Variants in SLC28A2 observed in about 807,000 individuals in gnomAD.
The protein encoded by SLC28A2 is solute carrier family 28 member 2, also known as sodium/nucleoside cotransporter 2.
Under a neutral mutation model 72.9 loss-of-function variants are expected in SLC28A2, and 69 were observed. That is an observed-to-expected ratio of 0.95 (90% confidence interval 0.78 to 1.16). The LOEUF is 1.16. Ranked by LOEUF, SLC28A2 falls within the 50% of genes most tolerant of loss-of-function variation. SLC28A2 has a pLI of 0.00. For synonymous variants in SLC28A2, 296 were observed against 294.1 expected, an observed-to-expected ratio of 1.01 and a Z score of -0.07; for missense variants, 745 against 791.1, an observed-to-expected ratio of 0.94 and a Z score of 0.70.
At chr15:45,261,795 T>G (rs1900171468) in intron 3 of SLC28A2, among the ~76,000 whole-genome samples, 1 of 152,224 alleles carries the variant, frequency 6.6e-6, no homozygotes, top group Non-Finnish European at 1.5e-5. Context: ...TATTGCTAGT[T>G]CGGGCTGAGT....
intron 3 of SLC28A2, among the ~76,000 whole-genome samples, chr15:45,258,028 A>C (rs1900025802): frequency 6.6e-6 from 1 of 152,202 alleles, no homozygotes. Context: ...GTTTGAGACC[A>C]GCCTGGCCAA....
chr15:45,258,001 A>G (rs1422253625), intron 3 of SLC28A2, among the ~76,000 whole-genome samples: 1 of 152,194 alleles, frequency 6.6e-6, no homozygotes, highest in Non-Finnish European at 1.5e-5. Flanking sequence ...AGGCAGGCAG[A>G]TCACTTGAGG....
At chr15:45,261,705 G>A (rs1231374225) in intron 3 of SLC28A2, among the ~76,000 whole-genome samples, 2 of 152,188 alleles carry the variant, frequency 1.3e-5, no homozygotes, top group African/African-American at 4.8e-5. Context: ...GCAATCCTCT[G>A]TCCTTTCAGA....
Position 45,276,237 on chromosome 15 carries a change from A to G in SLC28A2, c.*724A>G, listed in dbSNP as rs1440080883. 2 of 152,100 alleles carry G rather than the reference A, an allele frequency of 1.3e-5. No individual in the cohort carries two copies. Among genetic ancestry groups the G allele is most frequent in the East Asian group, 1.9e-4 (1 of 5,184 alleles). The allele number at this position is 152,100 out of a possible 1,614,324, so 9.4% of individuals were successfully genotyped here. On this transcript the variant is annotated 3_prime_UTR_variant, in exon 18 of 18. Transcript: ENST00000347644. Reference sequence around the variant, plus strand: ...CAGTAAACTATCGCAAGGACAAAAAACCAAACACCACATGTTCTCACTCAT... The same window carrying G: ...CAGTAAACTATCGCAAGGACAAAAAGCCAAACACCACATGTTCTCACTCAT...
At chr15:45,272,996 G>A (rs1345617047) in intron 17 of SLC28A2, among the ~76,000 whole-genome samples, 3 of 152,152 alleles carry the variant, frequency 2.0e-5, no homozygotes, top group African/African-American at 7.2e-5. Flanking sequence ...GAGAAGTAGA[G>A]CAGCAAAGGA....
chr15:45,253,239 G>A lies in SLC28A2; in HGVS notation c.24G>A (p.Gln8=). Reference sequence around the variant, plus strand: ...AGATGGAGAAAGCAAGTGGAAGACAGTCCATTGCTCTGTCCACAGTGGAGA... The same window carrying A: ...AGATGGAGAAAGCAAGTGGAAGACAATCCATTGCTCTGTCCACAGTGGAGA... MEKASGR[Q]SIALSTVETG... Residue 8 remains glutamine (Q), a synonymous_variant, in exon 2 of 18, where the codon CAG becomes CAA. Transcript: ENST00000347644. 1 of 1,613,508 alleles carries A rather than the reference G, an allele frequency of 6.2e-7. No individual in the cohort carries two copies. The highest frequency in any genetic ancestry group is 2.2e-5 in the East Asian group (1 of 44,882).
At chr15:45,257,159 T>C (rs536797244) in intron 3 of SLC28A2, among the ~76,000 whole-genome samples, 1 of 152,342 alleles carries the variant, frequency 6.6e-6, no homozygotes, top group East Asian at 1.9e-4. Context: ...ATTTTTTGTC[T>C]TTGTGCCCAA....
At chr15:45,270,130 T>C (rs1171223934) in intron 14 of SLC28A2, 65 bp from the exon 15 acceptor site, 31 of 1,084,188 alleles carry the variant, frequency 2.9e-5, no homozygotes, top group Non-Finnish European at 4.1e-5. Context: ...GGAACTTCTA[T>C]TGTGATTATA....
chr15:45,271,032 C>T (rs1808060166), intron 15 of SLC28A2, among the ~76,000 whole-genome samples: 1 of 152,172 alleles, frequency 6.6e-6, no homozygotes, highest in African/African-American at 2.4e-5. Flanking sequence ...ATAAAAGCAG[C>T]AGGCACATAA....
intron 6 of SLC28A2, among the ~76,000 whole-genome samples, chr15:45,264,384 A>G (rs1224612138): frequency 6.6e-6 from 1 of 152,208 alleles, no homozygotes; most frequent in Non-Finnish European, 1.5e-5. Context: ...TTGATTTATA[A>G]AACTTTTATT....
At chr15:45,269,184 C>A (rs925848688) in intron 13 of SLC28A2, among the ~76,000 whole-genome samples, 154 bp from the exon 14 acceptor site, 3 of 151,496 alleles carry the variant, frequency 2.0e-5, no homozygotes, top group African/African-American at 4.8e-5. Flanking sequence ...AAAAAAAAAA[C>A]AACCATGCAT....
At chr15:45,268,495 A>G (rs1900420658) in intron 13 of SLC28A2, 117 bp downstream of exon 13, 4 of 853,216 alleles carry the variant, frequency 4.7e-6, no homozygotes, top group East Asian at 5.2e-5. Context: ...TAGAATGGCA[A>G]TCATTAAAAA....
chr15:45,266,062 G>A lies in SLC28A2; in HGVS notation c.862-19G>A. 1 of 1,560,424 alleles carries A rather than the reference G, an allele frequency of 6.4e-7. No homozygotes were observed. The highest frequency in any genetic ancestry group is 8.8e-7 in the Non-Finnish European group (1 of 1,131,382). ...GATTCCTGCTAACATTAATGGTTTA[G>A]GTTTCTGTATTCTTCTAGGTCGCCT... is the stretch of plus-strand genomic sequence containing the variant. On this transcript the variant is annotated intron_variant, in intron 9 of 17. Transcript: ENST00000347644.
chr15:45,272,248 T>G (rs1337286706), intron 15 of SLC28A2, 47 bp from the exon 16 acceptor site: 1 of 1,515,294 alleles, frequency 6.6e-7, no homozygotes, highest in Non-Finnish European at 9.1e-7. Flanking sequence ...TATACCTGAT[T>G]GCCTTGGTGG....
chr15:45,268,705 GACACAT>G (rs1900427090), intron 13 of SLC28A2, among the ~76,000 whole-genome samples: 1 of 152,082 alleles, frequency 6.6e-6, no homozygotes, highest in Non-Finnish European at 1.5e-5. Context: ...CTGCTATAAA[GACACAT>G]GCACACGTAT....
intron 16 of SLC28A2, 72 bp downstream of exon 16, chr15:45,272,465 AGAATTGTCCTT>A (rs1375078691): frequency 8.0e-7 from 1 of 1,242,536 alleles, no homozygotes; most frequent in African/African-American, 1.5e-5. Flanking sequence ...TGAGGAAGGT[AGAATTGTCCTT>A]GAGTACAGGG....
chr15:45,262,026 G>A lies in SLC28A2; in HGVS notation c.182G>A (p.Trp61Ter), dbSNP rs751095898. Residue 61 changes from tryptophan (W) to a stop codon, truncating the protein, a stop_gained, in exon 4 of 18, where the codon TGG becomes TAG. Coordinates refer to ENST00000347644, the MANE Select transcript of SLC28A2 (RefSeq NM_004212.4). LOFTEE classifies it high-confidence loss of function. ...GPSTYQRRSR[W>*]PFSKARSFCK... ...TGGGTTCTTATTAGGAGGAGTCGGT[G>A]GCCTTTCAGCAAAGCAAGAAGTTTC... 28 of 1,611,670 alleles carry A rather than the reference G, an allele frequency of 1.7e-5. No homozygotes were observed. In the Middle Eastern group the frequency reaches 4.9e-4, roughly 28 times the overall value.
Position 45,263,047 on chromosome 15 carries a change from T to G in SLC28A2, c.263-14T>G, listed in dbSNP as rs757705851. The G allele has an allele frequency of 3.1e-6, 5 of 1,606,354 alleles. No homozygotes were observed. Among genetic ancestry groups the G allele is most frequent in the Admixed American group, 1.7e-5 (1 of 58,650 alleles). On this transcript the variant is annotated splice_polypyrimidine_tract_variant and intron_variant, in intron 4 of 17. Transcript: ENST00000347644. ...CTGCCTTGCTGATCTTTACTCTGCT[T>G]CTTCTCTTTTTAGCCTATGCTGCCT...
intron 3 of SLC28A2, among the ~76,000 whole-genome samples, chr15:45,260,354 G>A (rs190466774): frequency 3.3e-5 from 5 of 152,306 alleles, no homozygotes; most frequent in Non-Finnish European, 5.9e-5. Flanking sequence ...AGAGTGGAGT[G>A]GAGAGTGGTG....
Sources: gnomAD v4.1 joint callset for allele counts (sites outside exome capture counted in the v4.1 genomes callset) on GRCh38, gnomAD v4.1.1 for gene constraint, MANE v1.5 for transcripts, NCBI Gene and HGNC (gene_info 2026-07-23, HGNC 2026-07-21) for gene names.